The following SPAG17 variants were observed in gnomAD, a reference collection of about 807,000 sequenced individuals.
SPAG17 encodes the protein sperm associated antigen 17.
Under a neutral mutation model 273.6 loss-of-function variants are expected in SPAG17, and 169 were observed. That is an observed-to-expected ratio of 0.62 (90% CI 0.55 to 0.70). The LOEUF (loss-of-function observed/expected upper bound fraction) is 0.70, where lower values mean the gene tolerates loss of function less well. Among genes scored for constraint, SPAG17 ranks in the 30% least tolerant of loss-of-function variants. The pLI is 0.00. For synonymous variants in SPAG17, 825 were observed against 873.2 expected, an observed-to-expected ratio of 0.94 and a Z score of 0.97; for missense variants, 2,557 against 2,627.8, an observed-to-expected ratio of 0.97 and a Z score of 0.59.
chr1:118,019,256 C>G (rs1249438261), intron 28 of SPAG17, among the ~76,000 whole-genome samples: 2 of 151,236 alleles, frequency 1.3e-5, no homozygotes, highest in Non-Finnish European at 2.9e-5. Flanking sequence ...TTATGTGATT[C>G]CAGAAATAAA....
At chr1:118,147,233 G>A (rs541123629) in intron 3 of SPAG17, among the ~76,000 whole-genome samples, 1 of 151,990 alleles carries the variant, frequency 6.6e-6, no homozygotes, top group East Asian at 1.9e-4. Flanking sequence ...TCTCTTCATC[G>A]TCTGATAGTG....
chr1:118,104,602 A>G (rs1656273798), intron 4 of SPAG17, among the ~76,000 whole-genome samples: 2 of 152,240 alleles, frequency 1.3e-5, no homozygotes, highest in South Asian at 4.1e-4. Flanking sequence ...AGAGACTCCA[A>G]TGCTTACCAA....
chr1:118,063,192 T>G (rs1033307490), intron 18 of SPAG17, among the ~76,000 whole-genome samples: 9 of 152,144 alleles, frequency 5.9e-5, no homozygotes, highest in Non-Finnish European at 1.3e-4. Context: ...GCCATCCCCA[T>G]CAAGCTACCA....
intron 19 of SPAG17, 79 bp from the exon 20 acceptor site, chr1:118,054,172 A>G: frequency 1.2e-6 from 1 of 850,732 alleles, no homozygotes; most frequent in South Asian, 1.7e-5. Flanking sequence ...GGGTTAGATG[A>G]GATCTCAAAG....
At chr1:118,182,223 T>C (rs1169527191) in intron 1 of SPAG17, among the ~76,000 whole-genome samples, 8 of 152,142 alleles carry the variant, frequency 5.3e-5, no homozygotes, top group Admixed American at 5.2e-4. Flanking sequence ...TCCACTTACA[T>C]GAAGTACCTA....
chr1:118,138,959 A>G (rs1402839149), intron 3 of SPAG17, among the ~76,000 whole-genome samples: 1 of 152,140 alleles, frequency 6.6e-6, no homozygotes, highest in East Asian at 1.9e-4. Context: ...ATACTTTCAG[A>G]CTTCCCCCAA....
rs926536057 is a variant in SPAG17, at chr1:118,071,019, C to CT, written c.2385+2834dup. 8.7e-3 allele frequency among the ~76,000 whole-genome samples: 1,284 copies of CT among 147,120 alleles called. 16 individuals carry two copies. Among genetic ancestry groups the CT allele is most frequent in the African/African-American group, 0.03 (1,195 of 40,412 alleles). ...TATGTCTTTCAGACAGAAAATTAGA[C>CT]TTTTTTTTTTTCATGGAGAATTTAA... On this transcript the variant is annotated intron_variant, in intron 17 of 48. Coordinates refer to ENST00000336338, the MANE Select transcript of SPAG17 (RefSeq NM_206996.4).
intron 23 of SPAG17, 44 bp from the exon 24 acceptor site, chr1:118,036,927 A>G: frequency 1.5e-6 from 2 of 1,356,004 alleles, no homozygotes; most frequent in Non-Finnish European, 2.1e-6. Flanking sequence ...TTTAATTCAA[A>G]ATAAATATAA....
chr1:118,048,787 T>C (rs1329651722), intron 20 of SPAG17, among the ~76,000 whole-genome samples: 1 of 152,030 alleles, frequency 6.6e-6, no homozygotes, highest in Admixed American at 6.6e-5. Context: ...TTCCAGCTAC[T>C]CGGGAGGCTG....
chr1:117,990,100 T>C (rs191188309), intron 38 of SPAG17, among the ~76,000 whole-genome samples: 2 of 152,238 alleles, frequency 1.3e-5, no homozygotes, highest in Non-Finnish European at 2.9e-5. Flanking sequence ...TGGACTCCTG[T>C]GATGGTCATT....
chr1:118,163,985 T>C (rs1660047902), intron 1 of SPAG17, among the ~76,000 whole-genome samples: 1 of 152,222 alleles, frequency 6.6e-6, no homozygotes. Flanking sequence ...TGACCTTCTC[T>C]CTAACTTGAC....
intron 10 of SPAG17, among the ~76,000 whole-genome samples, chr1:118,089,805 T>G (rs1266454232): frequency 6.6e-6 from 1 of 152,184 alleles, no homozygotes; most frequent in Non-Finnish European, 1.5e-5. Flanking sequence ...TATCTCCACC[T>G]AAATCTCATC....
At chr1:117,996,309 G>A in intron 34 of SPAG17, 61 bp downstream of exon 34, 1 of 1,534,978 alleles carries the variant, frequency 6.5e-7, no homozygotes, top group South Asian at 1.3e-5. Context: ...AGACTGGATA[G>A]TAAGGAGGAT....
At chr1:118,102,373 A>C in intron 4 of SPAG17, among the ~76,000 whole-genome samples, 1 of 152,244 alleles carries the variant, frequency 6.6e-6, no homozygotes, top group Non-Finnish European at 1.5e-5. Context: ...TAAAAATAAA[A>C]AGGAAAATAG....
chr1:117,981,369 A>G lies in SPAG17; in HGVS notation c.5905T>C (p.Ser1969Pro). 1 of 1,599,910 alleles carries G rather than the reference A, an allele frequency of 6.3e-7. No individual in the cohort carries two copies. Among genetic ancestry groups the G allele is most frequent in the South Asian group, 1.1e-5 (1 of 87,516 alleles). ...FKPHKVSEQK[S>P]SSVPSLPKPE... ...TTTGGAAGACTAGGCACACTTGAGG[A>G]TTTCTGTTCTGAAACCTTATGTGGC... The change falls in exon 43 of 49, where the codon TCC becomes CCC. Residue 1969 changes from serine (S) to proline (P), a missense_variant. Ser to Pro is a moderately conservative substitution (Grantham distance 74, BLOSUM62 -1). Transcript: ENST00000336338.
intron 27 of SPAG17, 72 bp downstream of exon 27, chr1:118,025,166 A>T: frequency 3.6e-6 from 5 of 1,391,506 alleles, no homozygotes; most frequent in Non-Finnish European, 5.0e-6. Flanking sequence ...CTGTTATAGA[A>T]CAGTTCCTTA....
intron 43 of SPAG17, among the ~76,000 whole-genome samples, chr1:117,976,128 G>C (rs1447630499): frequency 6.6e-6 from 1 of 152,112 alleles, no homozygotes; most frequent in Non-Finnish European, 1.5e-5. Flanking sequence ...TGTACTCTTA[G>C]CTCTGCTCTA....
chr1:117,956,652 G>C (rs1264494427), intron 48 of SPAG17, among the ~76,000 whole-genome samples: 1 of 151,902 alleles, frequency 6.6e-6, no homozygotes, highest in African/African-American at 2.4e-5. Context: ...TATTTTCCCA[G>C]ATTAAAAGGC....
intron 47 of SPAG17, chr1:117,964,232 C>G (rs934494006): frequency 2.4e-4 from 41 of 173,380 alleles, no homozygotes; most frequent in Admixed American, 5.4e-4. Context: ...CATCAGATTT[C>G]ATGCTTTTTT....
Sources: allele counts gnomAD v4.1 joint callset (sites outside exome capture counted in the v4.1 genomes callset), GRCh38; gene constraint gnomAD v4.1.1; transcripts MANE v1.5; gene names NCBI Gene and HGNC (gene_info 2026-07-23, HGNC 2026-07-21).